LRRTM3: variants seen among roughly 807,000 people sequenced by gnomAD.
The protein encoded by LRRTM3 is leucine-rich repeat transmembrane neuronal protein 3.
A neutral mutation model predicts 44.7 loss-of-function variants in LRRTM3; 24 were observed. That is an observed-to-expected ratio of 0.54 (90% confidence interval 0.39 to 0.76). The LOEUF is 0.76. LRRTM3 is among the 30% of genes least tolerant of loss of function. The pLI is 0.00. For missense variants in LRRTM3, 587 were observed against 702.2 expected, an observed-to-expected ratio of 0.84 and a Z score of 1.85; for synonymous variants, 277 against 278.7, an observed-to-expected ratio of 0.99 and a Z score of 0.06.
At chr10:67,063,699 TA>T (rs1275650809) in intron 2 of LRRTM3, among the ~76,000 whole-genome samples, 1 of 152,234 alleles carries the variant, frequency 6.6e-6, no homozygotes, top group East Asian at 1.9e-4. Context: ...GTCACACAGA[TA>T]ATTGGCATGA....
rs147978741 is a variant in LRRTM3 at position 66,933,510 on chromosome 10, T to C, written c.1536+5058T>C. Among the ~76,000 whole-genome samples the C allele has an allele frequency of 2.8e-3, 426 of 152,298 alleles. 3 individuals are homozygous for C. The highest frequency in any genetic ancestry group is 9.7e-3 in the African/African-American group (402 of 41,570). Reference sequence around the variant, plus strand: ...TTACACTGGATCAATATAATGTTTATATGGCAACATGACATCATTATTGAG... The same window carrying C: ...TTACACTGGATCAATATAATGTTTACATGGCAACATGACATCATTATTGAG... On this transcript the variant is annotated intron_variant, in intron 2 of 2. Transcript: ENST00000361320.
In LRRTM3 at chr10:67,089,811, A is replaced by C. The variant is rs139633538; in HGVS notation, c.1537-7776A>C. Among the ~76,000 whole-genome samples the C allele has an allele frequency of 7.6e-4, 115 of 150,962 alleles. No homozygotes were observed. In the East Asian group the frequency reaches 0.022, roughly 28 times the overall value. On this transcript the variant is annotated intron_variant, in intron 2 of 2. Coordinates refer to ENST00000361320, the MANE Select transcript of LRRTM3 (RefSeq NM_178011.5). ...GGCCCCCCATCCATTGCCTTCCTTT[A>C]CTATCTTGCACCATTTGTCCATCCC...
At chr10:67,058,811 G>C (rs1352303487) in intron 2 of LRRTM3, among the ~76,000 whole-genome samples, 1 of 152,124 alleles carries the variant, frequency 6.6e-6, no homozygotes, top group Non-Finnish European at 1.5e-5. Flanking sequence ...CAGAAAATCT[G>C]AGTTCTAGGC....
chr10:66,944,871 G>C (rs1418736109), intron 2 of LRRTM3, among the ~76,000 whole-genome samples: 1 of 152,170 alleles, frequency 6.6e-6, no homozygotes, highest in African/African-American at 2.4e-5. Context: ...TCAGTGAGCA[G>C]TAATACTTTG....
intron 2 of LRRTM3, among the ~76,000 whole-genome samples, chr10:67,071,082 G>T (rs2131847737): frequency 6.6e-6 from 1 of 152,150 alleles, no homozygotes; most frequent in Admixed American, 6.5e-5. Context: ...TTTTGCAATG[G>T]TATTGATGTC....
intron 2 of LRRTM3, among the ~76,000 whole-genome samples, chr10:67,055,766 C>T (rs1389396637): frequency 1.3e-5 from 2 of 152,008 alleles, no homozygotes; most frequent in African/African-American, 2.4e-5. Context: ...AAAGATGTAC[C>T]TCAAAGGTTC....
chr10:67,086,133 T>C (rs2131893495), intron 2 of LRRTM3, among the ~76,000 whole-genome samples: 1 of 152,142 alleles, frequency 6.6e-6, no homozygotes, highest in Admixed American at 6.6e-5. Context: ...GATAGATAAA[T>C]GGATGAAGGG....
At chr10:67,010,279 C>T (rs888948465) in intron 2 of LRRTM3, among the ~76,000 whole-genome samples, 1 of 152,092 alleles carries the variant, frequency 6.6e-6, no homozygotes, top group Non-Finnish European at 1.5e-5. Flanking sequence ...GGCAAATATA[C>T]CTCCTTCCCA....
intron 2 of LRRTM3, among the ~76,000 whole-genome samples, chr10:67,038,858 ATTATG>A (rs1854225650): frequency 1.3e-5 from 2 of 151,970 alleles, no homozygotes; most frequent in South Asian, 4.1e-4. Flanking sequence ...GTCTTTATAT[ATTATG>A]TTATAATAAT....
Position 66,927,740 on chromosome 10 carries a change from A to G in LRRTM3, c.824A>G (p.Gln275Arg). ...GCTTTCAGTGGACCCAGTGTTTTCC[A>G]GTGTGTCCCGAATCTGCAGCGCCTC... The part of the protein sequence containing the change: ...IEAFSGPSVF[Q>R]CVPNLQRLNL... Residue 275 changes from glutamine (Q) to arginine (R), a missense_variant, in exon 2 of 3, where the codon CAG (glutamine) becomes CGG (arginine). This residue lies in a region of LRRTM3 where 222 missense variants were observed against 323.3 expected (regional missense o/e 0.69). Transcript: ENST00000361320. This position sits in a 1 kb window ranked among gnomAD's most constrained non-coding sequence, Gnocchi z 4.7. 3 of 1,614,178 alleles carry G rather than the reference A, an allele frequency of 1.9e-6. No homozygotes were observed. The highest frequency in any genetic ancestry group is 2.5e-6 in the Non-Finnish European group (3 of 1,180,032).
At chr10:66,938,270 G>A (rs952458900) in intron 2 of LRRTM3, among the ~76,000 whole-genome samples, 1 of 151,956 alleles carries the variant, frequency 6.6e-6, no homozygotes, top group Non-Finnish European at 1.5e-5. Context: ...AACAATGTGA[G>A]GGTCAAGAGA....
rs200860361 is a variant in LRRTM3, at chr10:66,989,389, T to C, written c.1536+60937T>C. ...TTTATTGAAAAATATTGTTCCAAAA[T>C]CTTGCTTCTTGATTATATTTGTAGG... On this transcript the variant is annotated intron_variant, in intron 2 of 2. Transcript: ENST00000361320. Among the ~76,000 whole-genome samples the C allele has an allele frequency of 2.0e-5, 3 of 152,324 alleles. No individual in the cohort carries two copies. In the East Asian group the frequency reaches 5.8e-4, roughly 29 times the overall value.
rs560435590 is a variant in LRRTM3 at position 66,937,089 on chromosome 10, A to AT, written c.1536+8646dup. On this transcript the variant is annotated intron_variant, in intron 2 of 2. Coordinates refer to ENST00000361320, the MANE Select transcript of LRRTM3 (RefSeq NM_178011.5). Reference sequence around the variant, plus strand: ...TTCATTCAATAAACTATATTTGAGAATTTTTTTTTCAGTGAATCGCCATTA... The same window carrying AT: ...TTCATTCAATAAACTATATTTGAGAATTTTTTTTTTCAGTGAATCGCCATTA... Among the ~76,000 whole-genome samples the AT allele has an allele frequency of 1.1e-3, 174 of 151,560 alleles. 2 individuals are homozygous for AT. The highest frequency in any genetic ancestry group is 3.7e-3 in the African/African-American group (155 of 41,348).
chr10:67,046,992 TAGTCTAATGTTTGCA>T (rs1854794886), intron 2 of LRRTM3, among the ~76,000 whole-genome samples: 3 of 152,128 alleles, frequency 2.0e-5, no homozygotes, highest in Non-Finnish European at 4.4e-5. Flanking sequence ...AGAAAAGAAA[TAGTCTAATGTTTGCA>T]ATATGTTTGG....
chr10:66,962,378 CTCT>C (rs1849156630), intron 2 of LRRTM3, among the ~76,000 whole-genome samples: 1 of 151,642 alleles, frequency 6.6e-6, no homozygotes, highest in African/African-American at 2.4e-5. Context: ...TCCTCAACTC[CTCT>C]AAGTTTTTTT....
At chr10:66,932,559 A>G (rs1847463232) in intron 2 of LRRTM3, among the ~76,000 whole-genome samples, 1 of 152,182 alleles carries the variant, frequency 6.6e-6, no homozygotes, top group African/African-American at 2.4e-5. Flanking sequence ...AGCTACCTAC[A>G]CTAAAAATCA....
intron 2 of LRRTM3, among the ~76,000 whole-genome samples, chr10:67,094,030 G>A (rs1012886459): frequency 4.0e-5 from 6 of 151,852 alleles, no homozygotes; most frequent in Non-Finnish European, 7.4e-5. Context: ...CTTCCTACTC[G>A]AATTAACTTA....
At chr10:67,073,440 A>T (rs543572190) in intron 2 of LRRTM3, among the ~76,000 whole-genome samples, 1 of 152,258 alleles carries the variant, frequency 6.6e-6, no homozygotes, top group Non-Finnish European at 1.5e-5. Context: ...CCAAATTCTA[A>T]ACTTCTATTT....
chr10:67,054,791 C>A (rs1472718448), intron 2 of LRRTM3: 1 of 152,054 alleles, frequency 6.6e-6, no homozygotes, highest in East Asian at 1.9e-4. Flanking sequence ...TTAATGGTAC[C>A]AACTCAGTAA....
Sources: gnomAD v4.1 joint callset for allele counts (sites outside exome capture counted in the v4.1 genomes callset) on GRCh38, gnomAD v4.1.1 for gene constraint, gnomAD v4.1.1 regional missense constraint, Gnocchi (gnomAD v3.1) non-coding constraint, MANE v1.5 for transcripts, NCBI Gene and HGNC (gene_info 2026-07-23, HGNC 2026-07-21) for gene names.